C5orf58: variants seen among roughly 807,000 people sequenced by gnomAD.
The protein encoded by C5orf58 is putative uncharacterized protein C5orf58.
C5orf58 carries 2 observed loss-of-function variants against 2.9 expected under a neutral mutation model. The ratio of observed to expected loss-of-function variants is 0.69; its 90% confidence interval spans 0.28 to 2.18. The LOEUF (loss-of-function observed/expected upper bound fraction) is 2.18. Among genes scored for constraint, C5orf58 ranks in the 30% most tolerant of loss-of-function variants. The pLI is 0.13. For missense variants in C5orf58, 96 were observed against 91.7 expected, an observed-to-expected ratio of 1.05 and a Z score of -0.19; for synonymous variants, 37 against 33.4, an observed-to-expected ratio of 1.11 and a Z score of -0.37.
intron 3 of C5orf58, chr5:170,237,149 A>G: frequency 2.5e-6 from 1 of 396,564 alleles, no homozygotes; most frequent in Non-Finnish European, 4.4e-6. Context: ...GAGACATTGT[A>G]TGGGTAGGTC....
In C5orf58 at chr5:170,245,551, AC is replaced by A. The variant is rs972972720; in HGVS notation, c.95-407del. On this transcript the variant is annotated intron_variant, in intron 3 of 3. Coordinates refer to ENST00000593851, the MANE Select transcript of C5orf58 (RefSeq NM_001102609.3). ...ACCCGATTTTCCAGGTGCGTCCGTC[AC>A]CCCTTTCTTTGACTCGGAAAGGGAA... is the stretch of plus-strand genomic sequence containing the variant. Among the ~76,000 whole-genome samples, 17 of 152,020 alleles carry A rather than the reference AC, an allele frequency of 1.1e-4. No individual in the cohort carries two copies. In the South Asian group the frequency reaches 3.3e-3, roughly 30 times the overall value.
intron 3 of C5orf58, among the ~76,000 whole-genome samples, chr5:170,243,879 G>T (rs1371849589): frequency 6.8e-6 from 1 of 146,824 alleles, no homozygotes; most frequent in East Asian, 2.0e-4. Flanking sequence ...AGTCTCGATG[G>T]TCTTTACATT....
chr5:170,248,918 A>C, downstream of C5orf58: 4 of 1,187,328 alleles, frequency 3.4e-6, no homozygotes, highest in Non-Finnish European at 4.9e-6. Context: ...TGCCTCTTCA[A>C]GTGATGAGGA....
chr5:170,248,930 T>G, downstream of C5orf58: 1 of 1,071,644 alleles, frequency 9.3e-7, no homozygotes, highest in Non-Finnish European at 1.4e-6. Context: ...TGATGAGGAT[T>G]GTGGGGGGAA....
At chr5:170,237,212 T>A in intron 3 of C5orf58, 2 of 398,258 alleles carry the variant, frequency 5.0e-6, no homozygotes, top group Non-Finnish European at 8.9e-6. Flanking sequence ...GGTAGACTTC[T>A]GGTAAATGTA....
exon 3 of C5orf58, chr5:170,251,853 C>T: frequency 6.6e-6 from 2 of 305,146 alleles, no homozygotes; most frequent in Non-Finnish European, 1.4e-5. Flanking sequence ...TGTGCAACTA[C>T]TACTGAGAAC....
At chr5:170,248,442 T>G (rs973589835), downstream of C5orf58, 17 of 325,040 alleles carry the variant, frequency 5.2e-5, no homozygotes, top group South Asian at 5.8e-4. Context: ...AAAAAATGAA[T>G]TATTACAGTG....
intron 3 of C5orf58, among the ~76,000 whole-genome samples, chr5:170,244,962 T>A (rs1468711439): frequency 2.0e-5 from 3 of 152,218 alleles, no homozygotes; most frequent in African/African-American, 7.2e-5. Flanking sequence ...GTTTTTGGTG[T>A]GGATGTCCTT....
intron 3 of C5orf58, among the ~76,000 whole-genome samples, chr5:170,239,658 A>G (rs190624954): frequency 6.6e-6 from 1 of 152,366 alleles, no homozygotes; most frequent in East Asian, 1.9e-4. Flanking sequence ...TTAAAACCAT[A>G]TAAATCAAAT....
Position 170,237,443 on chromosome 5 carries a change from G to A in C5orf58, c.94+2373G>A, listed in dbSNP as rs886354519. ...TTTTTCAAGGTCAAGCAACTAGTCA[G>A]TGGTACACCTGAGATTTAAATTTAA... On this transcript the variant is annotated intron_variant, in intron 3 of 3. Coordinates refer to ENST00000593851, the MANE Select transcript of C5orf58 (RefSeq NM_001102609.3). 7 of 395,352 alleles carry A rather than the reference G, an allele frequency of 1.8e-5. No homozygotes were observed. The East Asian group carries it at 2.1e-4, about 12-fold the overall frequency. The allele number at this position is 395,352 out of a possible 1,614,324, so 24.5% of individuals were successfully genotyped here.
downstream of C5orf58, chr5:170,250,731 T>C (rs776933527): frequency 6.2e-7 from 1 of 1,612,410 alleles, no homozygotes; most frequent in South Asian, 1.1e-5. Flanking sequence ...AATCCTTACC[T>C]CTTTCCCTCG....
chr5:170,248,730 C>T (rs994561005), downstream of C5orf58: 3 of 1,610,764 alleles, frequency 1.9e-6, no homozygotes, highest in Middle Eastern at 1.7e-4. Context: ...TTAATGTGCA[C>T]TGGTATCTGG....
downstream of C5orf58, chr5:170,246,309 G>A (rs889559178): frequency 6.6e-6 from 3 of 457,300 alleles, no homozygotes; most frequent in East Asian, 7.1e-5. Context: ...TATGACATAG[G>A]AAATTGGCCA....
At chr5:170,236,701 G>GTGC (rs1760756310) in intron 3 of C5orf58, among the ~76,000 whole-genome samples, 1 of 152,148 alleles carries the variant, frequency 6.6e-6, no homozygotes, top group Non-Finnish European at 1.5e-5. Context: ...ATCTCCACAA[G>GTGC]TGCTTTTCTG....
At chr5:170,233,799 T>C in intron 1 of C5orf58, 2 of 300,414 alleles carry the variant, frequency 6.7e-6, no homozygotes, top group Non-Finnish European at 1.3e-5. Flanking sequence ...CATTGTTGTG[T>C]AGCACCCCAC....
In C5orf58 at chr5:170,246,109, T is replaced by C. The variant is rs745855680; in HGVS notation, c.242T>C (p.Ile81Thr). Residue 81 changes from isoleucine (I) to threonine (T), a missense_variant, in exon 4 of 4, where the codon ATC (isoleucine) becomes ACC (threonine). By Grantham distance (89) the Ile-to-Thr change is moderately conservative. Transcript: ENST00000593851. ...DVSLVSNSFSI is the reference protein window; with the variant it reads ...DVSLVSNSFST ...TCCCTTGTTTCTAACAGTTTTTCTA[T>C]CTGATTTCTTATTTGTTATGAGTTT... 1 of 1,607,586 alleles carries C rather than the reference T, an allele frequency of 6.2e-7. No homozygotes were observed. Among genetic ancestry groups the C allele is most frequent in the Admixed American group, 1.7e-5 (1 of 58,990 alleles).
At chr5:170,234,228 C>G in intron 2 of C5orf58, 30 bp downstream of exon 2, 2 of 1,310,212 alleles carry the variant, frequency 1.5e-6, no homozygotes, top group Non-Finnish European at 2.1e-6. Flanking sequence ...TTTGGACAAG[C>G]AGCTTGACCC....
intron 3 of C5orf58, 22 bp downstream of exon 3, chr5:170,235,092 T>C: frequency 8.6e-7 from 1 of 1,163,448 alleles, no homozygotes; most frequent in Non-Finnish European, 1.2e-6. Flanking sequence ...ATCACTAAAA[T>C]GTTTGCATGT....
intron 3 of C5orf58, among the ~76,000 whole-genome samples, chr5:170,237,836 A>C (rs886385561): frequency 2.6e-5 from 4 of 152,230 alleles, no homozygotes; most frequent in Non-Finnish European, 4.4e-5. Flanking sequence ...GAGGGAAAGT[A>C]GTATACTGTA....
Sources: allele counts gnomAD v4.1 joint callset (sites outside exome capture counted in the v4.1 genomes callset), GRCh38; gene constraint gnomAD v4.1.1; transcripts MANE v1.5; gene names NCBI Gene and HGNC (gene_info 2026-07-23, HGNC 2026-07-21).